The following TMEM132D variants were observed in gnomAD, a reference collection of about 807,000 sequenced individuals.
TMEM132D encodes the protein mature OL transmembrane protein.
In TMEM132D, 21 loss-of-function variants were observed where a neutral mutation model predicts 62.3. The ratio of observed to expected loss-of-function variants is 0.34; its 90% CI spans 0.24 to 0.49. The LOEUF is 0.49. Ranked by LOEUF, TMEM132D falls within the 20% of genes least tolerant of loss-of-function variation. TMEM132D has a pLI of 0.99. For synonymous variants in TMEM132D, 621 were observed against 575.6 expected (o/e 1.08, Z -1.13); for missense variants, 1,346 against 1,402.8 (o/e 0.96, Z 0.65).
chr12:129,618,439 C>T (rs1033451005), intron 2 of TMEM132D, among the ~76,000 whole-genome samples: 27 of 152,188 alleles, frequency 1.8e-4, no homozygotes, highest in African/African-American at 6.5e-4. Context: ...TGCTTTTGCA[C>T]TATGGTTTTG....
At chr12:129,218,843 C>T (rs905544814) in intron 4 of TMEM132D, among the ~76,000 whole-genome samples, 31 of 152,126 alleles carry the variant, frequency 2.0e-4, no homozygotes, top group Admixed American at 1.0e-3. Context: ...GGGAGTGAGG[C>T]GTAAGCAGCA....
chr12:129,628,164 T>C (rs1458238054), intron 2 of TMEM132D, among the ~76,000 whole-genome samples: 4 of 152,230 alleles, frequency 2.6e-5, no homozygotes, highest in Non-Finnish European at 2.9e-5. Context: ...AAGTGTTAAG[T>C]AATGAATATT....
chr12:129,135,356 G>T (rs1876527774), intron 5 of TMEM132D, among the ~76,000 whole-genome samples: 1 of 152,174 alleles, frequency 6.6e-6, no homozygotes, highest in Non-Finnish European at 1.5e-5. Context: ...CTCCTCTAGA[G>T]TTAGACTCCT....
chr12:129,235,379 C>T (rs950051473), intron 4 of TMEM132D, among the ~76,000 whole-genome samples: 1 of 149,536 alleles, frequency 6.7e-6, no homozygotes, highest in South Asian at 2.1e-4. Context: ...GTGGGCAATT[C>T]TTTCTCTCAG....
intron 1 of TMEM132D, among the ~76,000 whole-genome samples, chr12:129,797,256 C>T (rs376708490): frequency 1.4e-4 from 22 of 152,302 alleles, no homozygotes; most frequent in African/African-American, 4.8e-4. Context: ...GGAGGGCTAC[C>T]CACAGCTGAA....
intron 1 of TMEM132D, among the ~76,000 whole-genome samples, chr12:129,737,992 T>G (rs536243682): frequency 6.6e-6 from 1 of 152,330 alleles, no homozygotes; most frequent in South Asian, 2.1e-4. Flanking sequence ...TCTGATAATT[T>G]ATAAGGATCA....
At chr12:129,562,200 T>C (rs113472306) in intron 2 of TMEM132D, among the ~76,000 whole-genome samples, 10 of 152,304 alleles carry the variant, frequency 6.6e-5, no homozygotes, top group African/African-American at 2.4e-4. Flanking sequence ...TCCATCTCAG[T>C]GGATTTTCAT....
intron 1 of TMEM132D, among the ~76,000 whole-genome samples, chr12:129,892,475 G>T (rs1874957186): frequency 6.6e-6 from 1 of 152,050 alleles, no homozygotes; most frequent in African/African-American, 2.4e-5. Flanking sequence ...GAACAGATGG[G>T]CCGAAGGATA....
At chr12:129,892,704 C>T (rs910963214) in intron 1 of TMEM132D, among the ~76,000 whole-genome samples, 3 of 152,104 alleles carry the variant, frequency 2.0e-5, no homozygotes, top group Non-Finnish European at 4.4e-5. Flanking sequence ...ACATCATCTC[C>T]CCATCATTTA....
rs201072973 is a variant in TMEM132D, at chr12:129,877,601, ACG to A, written c.79+25658_79+25659del. Among the ~76,000 whole-genome samples the A allele has an allele frequency of 3.2e-3, 446 of 139,580 alleles. 3 individuals carry two copies. The highest frequency in any genetic ancestry group is 1.0e-2 in the African/African-American group (386 of 38,620). 91.6% of individuals were successfully genotyped at this position (139,580 alleles called of 152,430 possible). ...CGGCTTAATAATACCTATTAACCAA[ACG>A]CGCGCGCGCGCACACACACACACAC... On this transcript the variant is annotated intron_variant, in intron 1 of 8. Transcript: ENST00000422113.
At chr12:129,350,343 G>A (rs1178958728) in intron 3 of TMEM132D, among the ~76,000 whole-genome samples, 2 of 152,152 alleles carry the variant, frequency 1.3e-5, no homozygotes, top group East Asian at 3.9e-4. Flanking sequence ...TCCCAAAATG[G>A]AAGGAACCTA....
At chr12:129,312,173 A>G (rs1424054382) in intron 4 of TMEM132D, among the ~76,000 whole-genome samples, 1 of 152,188 alleles carries the variant, frequency 6.6e-6, no homozygotes, top group Non-Finnish European at 1.5e-5. Flanking sequence ...ATAAATAGTC[A>G]AATTCAAAGG....
At chr12:129,591,660 A>G (rs1194978435) in intron 2 of TMEM132D, among the ~76,000 whole-genome samples, 1 of 152,026 alleles carries the variant, frequency 6.6e-6, no homozygotes, top group Non-Finnish European at 1.5e-5. Flanking sequence ...ATAGCAAAAA[A>G]TAATAATAAT....
intron 3 of TMEM132D, among the ~76,000 whole-genome samples, chr12:129,372,735 C>A (rs1352344742): frequency 1.3e-5 from 2 of 151,756 alleles, no homozygotes; most frequent in Non-Finnish European, 2.9e-5. Context: ...CTCCTGTCTC[C>A]CCCAGATGGG....
intron 1 of TMEM132D, among the ~76,000 whole-genome samples, chr12:129,708,175 C>T (rs1277549381): frequency 6.6e-6 from 1 of 152,082 alleles, no homozygotes; most frequent in Non-Finnish European, 1.5e-5. Context: ...TGAGATCGCA[C>T]CAGTGCACTC....
At chr12:129,708,922 G>T (rs750036551) in intron 1 of TMEM132D, among the ~76,000 whole-genome samples, 8 of 152,096 alleles carry the variant, frequency 5.3e-5, no homozygotes, top group Non-Finnish European at 1.0e-4. Context: ...CACATCACAT[G>T]TCCTAACCAT....
chr12:129,783,092 GAAAC>G (rs1379995312), intron 1 of TMEM132D, among the ~76,000 whole-genome samples: 1 of 152,168 alleles, frequency 6.6e-6, no homozygotes, highest in African/African-American at 2.4e-5. Flanking sequence ...CTGCTTCTCT[GAAAC>G]AATAGCTGCA....
rs34221350 is a variant in TMEM132D, at chr12:129,368,245, A to ATGTGTGTGTGTGTGTGTG, written c.1116-30446_1116-30429dup. On this transcript the variant is annotated intron_variant, in intron 3 of 8. Coordinates refer to ENST00000422113, the MANE Select transcript of TMEM132D (RefSeq NM_133448.3). The stretch of plus-strand genomic sequence containing the variant: ...CCAACTGAAGATCTACATATGCAAA[A>ATGTGTGTGTGTGTGTGTG]TGTGTGTGTGTGTGTGTGTACACAT... Among the ~76,000 whole-genome samples, 355 of 151,380 alleles carry ATGTGTGTGTGTGTGTGTG rather than the reference A, an allele frequency of 2.3e-3. 3 individuals are homozygous for ATGTGTGTGTGTGTGTGTG. The highest frequency in any genetic ancestry group is 8.1e-3 in the African/African-American group (334 of 41,262).
chr12:129,833,603 C>T (rs573034013), intron 1 of TMEM132D, among the ~76,000 whole-genome samples: 1 of 152,214 alleles, frequency 6.6e-6, no homozygotes, highest in South Asian at 2.1e-4. Flanking sequence ...CCAGCCTGGG[C>T]AACAGAGCAA....
Sources: gnomAD v4.1 joint callset for allele counts (sites outside exome capture counted in the v4.1 genomes callset) on GRCh38, gnomAD v4.1.1 for gene constraint, MANE v1.5 for transcripts, NCBI Gene and HGNC (gene_info 2026-07-23, HGNC 2026-07-21) for gene names.